Variants in DNAJC16 observed in about 807,000 individuals in gnomAD.
DNAJC16 encodes dnaJ homolog subfamily C member 16.
A neutral mutation model predicts 92.7 loss-of-function variants in DNAJC16; 76 were observed. That is an observed-to-expected ratio of 0.82 (90% CI 0.68 to 0.99). DNAJC16 has a LOEUF of 0.99. Among genes scored for constraint, DNAJC16 ranks in the 50% least tolerant of loss-of-function variants. The probability of loss-of-function intolerance (pLI) is 0.00; values close to 1 mark genes in which losing one functional copy is unlikely to be tolerated. For missense variants in DNAJC16, 869 were observed against 942.4 expected (o/e 0.92, Z 1.02); for synonymous variants, 328 against 358.7 (o/e 0.91, Z 0.97).
chr1:15,564,349 C>A lies in DNAJC16; in HGVS notation c.1588C>A (p.His530Asn). Residue 530 changes from histidine (H) to asparagine (N), a missense_variant, in exon 11 of 15, where the codon CAC (histidine) becomes AAC (asparagine). Physicochemically the swap from His to Asn is moderately conservative, Grantham distance 68. Transcript: ENST00000375847. Reference sequence around the variant, plus strand: ...CTCAGACTGCTGGGATAGCATTTTTCACAACAACTGGTAGGGATATTGCCA... The same window carrying A: ...CTCAGACTGCTGGGATAGCATTTTTAACAACAACTGGTAGGGATATTGCCA... Reference protein sequence around the residue: ...YISDCWDSIFHNNWREMMPLL... With the variant: ...YISDCWDSIFNNNWREMMPLL... 1 of 1,598,950 alleles carries A rather than the reference C, an allele frequency of 6.3e-7. No individual in the cohort carries two copies. The highest frequency in any genetic ancestry group is 1.1e-5 in the South Asian group (1 of 90,762).
At chr1:15,532,821 TA>T (rs1441764478) in intron 2 of DNAJC16, among the ~76,000 whole-genome samples, 1 of 152,228 alleles carries the variant, frequency 6.6e-6, no homozygotes, top group African/African-American at 2.4e-5. Flanking sequence ...TAGCAAGGAT[TA>T]AATGGTTAAG....
chr1:15,551,258 T>C (rs1207888707), intron 7 of DNAJC16, among the ~76,000 whole-genome samples: 2 of 152,246 alleles, frequency 1.3e-5, no homozygotes, highest in Non-Finnish European at 2.9e-5. Flanking sequence ...GGATTTAATA[T>C]TCTGTGTGAT....
chr1:15,545,100 G>GA (rs901195968), intron 5 of DNAJC16, among the ~76,000 whole-genome samples: 3 of 152,112 alleles, frequency 2.0e-5, no homozygotes, highest in African/African-American at 7.2e-5. Flanking sequence ...ATTTCACAAA[G>GA]AAAAGGTTGA....
Position 15,540,912 on chromosome 1 carries a change from T to C in DNAJC16, c.575-3487T>C, listed in dbSNP as rs968384713. Among the ~76,000 whole-genome samples the C allele has an allele frequency of 2.0e-5, 3 of 152,242 alleles. No individual in the cohort carries two copies. The South Asian group carries it at 6.2e-4, about 32-fold the overall frequency. ...GGTGAGTCAGTCACTGAGAAATTGA[T>C]CCCTCTAATGTTCAGAACCTGGGGC... On this transcript the variant is annotated intron_variant, in intron 4 of 14. Transcript: ENST00000375847.
At position 15,542,559 on chromosome 1, in the gene DNAJC16, A is replaced by G. The variant is rs149899985; in HGVS notation, c.575-1840A>G. 1.8e-3 allele frequency among the ~76,000 whole-genome samples: 279 copies of G among 152,330 alleles called. 2 individuals are homozygous for G. The highest frequency in any genetic ancestry group is 6.4e-3 in the African/African-American group (265 of 41,574). ...CCTGAGTTCTGTGAGCAGCTCGAGC[A>G]AGTTAGTTGAACCCAAGGAGGGTCA... On this transcript the variant is annotated intron_variant, in intron 4 of 14. Coordinates refer to ENST00000375847, the MANE Select transcript of DNAJC16 (RefSeq NM_015291.4).
Position 15,568,517 on chromosome 1 carries a change from T to C in DNAJC16, c.*340T>C. 2 of 439,118 alleles carry C rather than the reference T, an allele frequency of 4.6e-6. No homozygotes were observed. Among genetic ancestry groups the C allele is most frequent in the Non-Finnish European group, 4.0e-6 (1 of 250,034 alleles). 27.2% of individuals were successfully genotyped at this position (439,118 alleles called of 1,614,324 possible). A position where few individuals can be genotyped will look rare whatever the true frequency, so the allele number is the denominator to read the frequency against. ...CCTGTGTCTTGGAGAAGCACAGGGC[T>C]CCACCCTGCAAGCGGCATCTGGCGG... On this transcript the variant is annotated 3_prime_UTR_variant, in exon 15 of 15. Transcript: ENST00000375847.
intron 2 of DNAJC16, among the ~76,000 whole-genome samples, chr1:15,532,666 A>C (rs776469973): frequency 6.6e-6 from 1 of 151,384 alleles, no homozygotes; most frequent in East Asian, 1.9e-4. Flanking sequence ...CGTCAGCCTG[A>C]TGGTTTGGTT....
chr1:15,570,922 G>C lies in DNAJC16; in HGVS notation c.*2745G>C, dbSNP rs1638934838. 2.6e-5 allele frequency: 4 copies of C among 151,802 alleles called. No homozygotes were observed. Among genetic ancestry groups the C allele is most frequent in the Admixed American group, 2.6e-4 (4 of 15,222 alleles). The allele number at this position is 151,802 out of a possible 1,614,324, so 9.4% of individuals were successfully genotyped here. ...TCAACATTGATGTTTTTAGAGATGG[G>C]TTCTTCTGGTTGATACAGACTATGC... On this transcript the variant is annotated 3_prime_UTR_variant, in exon 15 of 15. Coordinates refer to ENST00000375847, the MANE Select transcript of DNAJC16 (RefSeq NM_015291.4).
intron 2 of DNAJC16, among the ~76,000 whole-genome samples, chr1:15,530,008 T>C (rs1710617024): frequency 6.6e-6 from 1 of 152,158 alleles, no homozygotes; most frequent in African/African-American, 2.4e-5. Flanking sequence ...TTCAGTACAA[T>C]GCAATTTTTT....
chr1:15,568,922 G>T lies in DNAJC16; in HGVS notation c.*745G>T, dbSNP rs1038939452. 9 of 387,758 alleles carry T rather than the reference G, an allele frequency of 2.3e-5. No individual in the cohort carries two copies. The highest frequency in any genetic ancestry group is 4.1e-5 in the Non-Finnish European group (9 of 219,262). 24.0% of individuals were successfully genotyped at this position (387,758 alleles called of 1,614,324 possible). ...GCCCCAGCGCTGCTGGTAGCCAGGGGAGGGGTCTGCACAGCGAGAAGTACT... is the reference window on the plus strand; with the variant it reads ...GCCCCAGCGCTGCTGGTAGCCAGGGTAGGGGTCTGCACAGCGAGAAGTACT... On this transcript the variant is annotated 3_prime_UTR_variant, in exon 15 of 15. Transcript: ENST00000375847.
chr1:15,548,163 A>G (rs984107132), intron 6 of DNAJC16, 107 bp from the exon 7 acceptor site: 5 of 1,078,582 alleles, frequency 4.6e-6, no homozygotes, highest in Non-Finnish European at 6.7e-6. Flanking sequence ...GAGCTGTGTA[A>G]GCTGGCATGT....
rs1206385784 is a variant in DNAJC16 at position 15,569,441 on chromosome 1, G to C, written c.*1264G>C. Reference sequence around the variant, plus strand: ...CTGAGCGTGCTGAGCTCCAGGTATAGTGGACCCCAGGGTGCCTCATACCAG... The same window carrying C: ...CTGAGCGTGCTGAGCTCCAGGTATACTGGACCCCAGGGTGCCTCATACCAG... On this transcript the variant is annotated 3_prime_UTR_variant, in exon 15 of 15. Coordinates refer to ENST00000375847, the MANE Select transcript of DNAJC16 (RefSeq NM_015291.4). 1.3e-5 allele frequency: 2 copies of C among 152,120 alleles called. No homozygotes were observed. The highest frequency in any genetic ancestry group is 2.9e-5 in the Non-Finnish European group (2 of 68,022). 9.4% of individuals were successfully genotyped at this position (152,120 alleles called of 1,614,324 possible).
chr1:15,530,968 G>A (rs557870833), intron 2 of DNAJC16, among the ~76,000 whole-genome samples: 17 of 152,342 alleles, frequency 1.1e-4, no homozygotes, highest in African/African-American at 2.9e-4. Flanking sequence ...GATTACAGAC[G>A]TGAGCTACCA....
In DNAJC16 at chr1:15,570,562, A is replaced by C. The variant is rs1638924828; in HGVS notation, c.*2385A>C. 1 of 152,136 alleles carries C rather than the reference A, an allele frequency of 6.6e-6. No individual in the cohort carries two copies. Among genetic ancestry groups the C allele is most frequent in the African/African-American group, 2.4e-5 (1 of 41,434 alleles). 9.4% of individuals were successfully genotyped at this position (152,136 alleles called of 1,614,324 possible). A position where few individuals can be genotyped will look rare whatever the true frequency, so the allele number is the denominator to read the frequency against. ...TTCAAGTCATCTTTTGATCTTTTAA[A>C]AAGCACCTTCAAACAGCTGCACCTT... On this transcript the variant is annotated 3_prime_UTR_variant, in exon 15 of 15. Transcript: ENST00000375847.
chr1:15,563,604 G>A (rs1329421263), intron 9 of DNAJC16, among the ~76,000 whole-genome samples: 1 of 139,124 alleles, frequency 7.2e-6, no homozygotes, highest in African/African-American at 2.7e-5. Flanking sequence ...AAGGCAGGCA[G>A]ATCACGAGGT....
chr1:15,564,189 G>C, intron 10 of DNAJC16, 78 bp downstream of exon 10: 1 of 1,581,160 alleles, frequency 6.3e-7, no homozygotes, highest in Non-Finnish European at 8.7e-7. Context: ...TTTCTGCTCA[G>C]AGCAGAGGTC....
chr1:15,549,137 T>C (rs184312303), intron 7 of DNAJC16, among the ~76,000 whole-genome samples: 2 of 152,258 alleles, frequency 1.3e-5, no homozygotes, highest in East Asian at 3.9e-4. Flanking sequence ...GCAGCTCAGG[T>C]GTCCTGTGAA....
Position 15,548,368 on chromosome 1 carries a change from C to G in DNAJC16, c.963C>G (p.Ile321Met), listed in dbSNP as rs748480792. The G allele has an allele frequency of 3.8e-5, 61 of 1,614,048 alleles. No homozygotes were observed. The highest frequency in any genetic ancestry group is 4.7e-5 in the Non-Finnish European group (56 of 1,180,036). ...EEMTRRYNIN[I>M]YAPTLLVFKE... ...TGACAAGGCGGTACAACATCAATAT[C>G]TACGCCCCTACCCTCTTGGTCTTTA... The change falls in exon 7 of 15, where the codon ATC (isoleucine) becomes ATG (methionine). Residue 321 changes from isoleucine (I) to methionine (M), a missense_variant. Coordinates refer to ENST00000375847, the MANE Select transcript of DNAJC16 (RefSeq NM_015291.4).
intron 7 of DNAJC16, among the ~76,000 whole-genome samples, chr1:15,556,076 T>G (rs1638564219): frequency 6.7e-6 from 1 of 149,698 alleles, no homozygotes; most frequent in South Asian, 2.1e-4. Flanking sequence ...GGAGGACCAC[T>G]TGAGCTCAGG....
Sources: allele counts gnomAD v4.1 joint callset (sites outside exome capture counted in the v4.1 genomes callset), GRCh38; gene constraint gnomAD v4.1.1; transcripts MANE v1.5; gene names NCBI Gene and HGNC (gene_info 2026-07-23, HGNC 2026-07-21).